The following EIF4ENIF1 variants were observed in gnomAD, a reference collection of about 807,000 sequenced individuals.
EIF4ENIF1 encodes the protein eukaryotic translation initiation factor 4E nuclear import factor 1.
Under a neutral mutation model 110.5 loss-of-function variants are expected in EIF4ENIF1, and 23 were observed. The observed-to-expected ratio is 0.21, with a 90% CI of 0.15 to 0.29. The LOEUF (loss-of-function observed/expected upper bound fraction) is 0.29. EIF4ENIF1 is among the 10% of genes least tolerant of loss of function. The pLI, the probability that EIF4ENIF1 is intolerant of heterozygous loss-of-function variation, is 1.00. For missense variants in EIF4ENIF1, 1,031 were observed against 1,221.1 expected (o/e 0.84, Z 2.32); for synonymous variants, 440 against 437.0 (o/e 1.01, Z -0.09).
At chr22:31,453,813 C>G (rs1477029668) in intron 10 of EIF4ENIF1, among the ~76,000 whole-genome samples, 3 of 152,100 alleles carry the variant, frequency 2.0e-5, no homozygotes, top group African/African-American at 4.8e-5. Context: ...AGCTGAATAA[C>G]AAGAAAATTG....
chr22:31,467,648 C>A (rs1240570909), intron 4 of EIF4ENIF1, among the ~76,000 whole-genome samples: 3 of 152,022 alleles, frequency 2.0e-5, no homozygotes, highest in Non-Finnish European at 1.5e-5. Context: ...GATGGTGAAA[C>A]CCCATCTCTA....
chr22:31,452,510 A>G (rs1321059625), intron 10 of EIF4ENIF1, among the ~76,000 whole-genome samples: 2 of 152,336 alleles, frequency 1.3e-5, no homozygotes, highest in African/African-American at 4.8e-5. Flanking sequence ...AATTGTGTTA[A>G]TATCAAATCC....
chr22:31,480,587 A>G lies in EIF4ENIF1; in HGVS notation c.96+8036T>C, dbSNP rs1221003046. ...AGCCTAACATGGAGAAACCCCATCTATACTAAAAATACAAAAAATTAGCCG... is the reference window on the plus strand; with the variant it reads ...AGCCTAACATGGAGAAACCCCATCTGTACTAAAAATACAAAAAATTAGCCG... On this transcript the variant is annotated intron_variant, in intron 2 of 18. Coordinates refer to ENST00000330125, the MANE Select transcript of EIF4ENIF1 (RefSeq NM_019843.4). Among the ~76,000 whole-genome samples, 3 of 151,778 alleles carry G rather than the reference A, an allele frequency of 2.0e-5. No homozygotes were observed. The East Asian group carries it at 5.8e-4, about 29-fold the overall frequency.
chr22:31,475,294 C>T (rs1192239027), intron 2 of EIF4ENIF1, among the ~76,000 whole-genome samples: 1 of 152,112 alleles, frequency 6.6e-6, no homozygotes, highest in African/African-American at 2.4e-5. Flanking sequence ...GAACATACAA[C>T]CTATAAATCA....
chr22:31,484,921 T>C (rs2051962444), intron 2 of EIF4ENIF1, among the ~76,000 whole-genome samples: 2 of 152,206 alleles, frequency 1.3e-5, no homozygotes, highest in Non-Finnish European at 2.9e-5. Context: ...TTAAAGTCTA[T>C]TTATTCCAGT....
intron 10 of EIF4ENIF1, chr22:31,453,393 T>G (rs1569075936): frequency 9.9e-6 from 4 of 403,802 alleles, no homozygotes; most frequent in East Asian, 7.5e-5. Context: ...TTTTTTTTTT[T>G]GGAGACAGTC....
At chr22:31,447,711 G>T in intron 13 of EIF4ENIF1, 146 bp from the exon 14 acceptor site, 1 of 848,654 alleles carries the variant, frequency 1.2e-6, no homozygotes, top group Non-Finnish European at 1.7e-6. Flanking sequence ...TGCTGCCATC[G>T]CAGTGAACAA....
chr22:31,444,960 T>C (rs1444693837), intron 14 of EIF4ENIF1, among the ~76,000 whole-genome samples: 2 of 152,126 alleles, frequency 1.3e-5, no homozygotes, highest in Non-Finnish European at 2.9e-5. Flanking sequence ...CATGTAGATA[T>C]TAGGCACCAA....
intron 2 of EIF4ENIF1, among the ~76,000 whole-genome samples, chr22:31,486,614 A>C (rs1366185200): frequency 6.6e-6 from 1 of 151,588 alleles, no homozygotes; most frequent in Non-Finnish European, 1.5e-5. Context: ...TCCCGTCTCC[A>C]CTAAAACTAC....
At chr22:31,475,259 A>T (rs1203413378) in intron 2 of EIF4ENIF1, among the ~76,000 whole-genome samples, 3 of 137,932 alleles carry the variant, frequency 2.2e-5, no homozygotes. Flanking sequence ...AAGGCTGTTC[A>T]AAATTCTGAA....
intron 2 of EIF4ENIF1, among the ~76,000 whole-genome samples, chr22:31,484,004 C>T (rs1234612325): frequency 6.6e-6 from 1 of 152,126 alleles, no homozygotes; most frequent in Non-Finnish European, 1.5e-5. Flanking sequence ...AAATATTCTT[C>T]GAAGCACAAT....
intron 10 of EIF4ENIF1, chr22:31,453,383 T>TTC: frequency 2.4e-6 from 1 of 416,894 alleles, no homozygotes; most frequent in Non-Finnish European, 4.8e-6. Context: ...TTACTTTTTT[T>TTC]TTTTTTTTTT....
At chr22:31,456,470 G>C (rs1051012984) in intron 7 of EIF4ENIF1, among the ~76,000 whole-genome samples, 1 of 151,758 alleles carries the variant, frequency 6.6e-6, no homozygotes, top group African/African-American at 2.4e-5. Context: ...TGATCCGCCC[G>C]CCTTGGCCTC....
chr22:31,464,675 C>CAAAAAAAAAAAAAAAAAAAAAAAA (rs770904708), intron 4 of EIF4ENIF1, among the ~76,000 whole-genome samples: 1 of 30,924 alleles, frequency 3.2e-5, no homozygotes. Context: ...GATTCAGTCT[C>CAAAAAAAAAAAAAAAAAAAAAAAA]AAAAAAAAAA....
At chr22:31,465,944 A>G (rs944868164) in intron 4 of EIF4ENIF1, among the ~76,000 whole-genome samples, 4 of 152,226 alleles carry the variant, frequency 2.6e-5, no homozygotes, top group Non-Finnish European at 5.9e-5. Flanking sequence ...AAATCCTAGG[A>G]AATGTAAACT....
At chr22:31,458,032 C>T (rs1458441331) in intron 7 of EIF4ENIF1, among the ~76,000 whole-genome samples, 1 of 151,862 alleles carries the variant, frequency 6.6e-6, no homozygotes, top group African/African-American at 2.4e-5. Flanking sequence ...GTTCAAGACC[C>T]GTCTGGCCAA....
intron 10 of EIF4ENIF1, 22 bp downstream of exon 10, chr22:31,454,122 G>T: frequency 6.3e-7 from 1 of 1,599,162 alleles, no homozygotes; most frequent in Non-Finnish European, 8.6e-7. Context: ...AAAAGGGTGG[G>T]GGGTTTGTGT....
At chr22:31,460,984 C>T (rs886547926) in intron 6 of EIF4ENIF1, among the ~76,000 whole-genome samples, 3 of 152,128 alleles carry the variant, frequency 2.0e-5, no homozygotes, top group Non-Finnish European at 4.4e-5. Context: ...AAAAGGCTTT[C>T]CCCTTTTGTT....
chr22:31,440,761 G>A lies in EIF4ENIF1; in HGVS notation c.2659C>T (p.Pro887Ser), dbSNP rs375683617. ...LPAASHPLLNPRPGTPLHLAM... is the reference protein window; with the variant it reads ...LPAASHPLLNSRPGTPLHLAM... Reference sequence around the variant, plus strand: ...AGATGCAGAGGTGTTCCAGGACGAGGGTTTAAGAGAGGGTGACTAGCAGCA... The same window carrying A: ...AGATGCAGAGGTGTTCCAGGACGAGAGTTTAAGAGAGGGTGACTAGCAGCA... Residue 887 changes from proline to serine, a missense_variant, in exon 18 of 19, where the codon CCT (proline) becomes TCT (serine). By Grantham distance (74) the Pro-to-Ser change is moderately conservative. Around this residue, in one of 3 missense-constraint regions of EIF4ENIF1, gnomAD observed 309 missense variants for 299.1 expected, o/e 1.03. Coordinates refer to ENST00000330125, the MANE Select transcript of EIF4ENIF1 (RefSeq NM_019843.4). The A allele has an allele frequency of 1.2e-6, 2 of 1,613,868 alleles. No individual in the cohort carries two copies. The highest frequency in any genetic ancestry group is 8.5e-7 in the Non-Finnish European group (1 of 1,179,892).
Sources: gnomAD v4.1 joint callset for allele counts (sites outside exome capture counted in the v4.1 genomes callset) on GRCh38, gnomAD v4.1.1 for gene constraint, gnomAD v4.1.1 regional missense constraint, MANE v1.5 for transcripts, NCBI Gene and HGNC (gene_info 2026-07-23, HGNC 2026-07-21) for gene names.